Variants in OSBP2 observed in about 807,000 individuals in gnomAD.
The protein encoded by OSBP2 is oxysterol binding protein 2, also known as oxysterol-binding protein 2.
In OSBP2, 66 loss-of-function variants were observed where a neutral mutation model predicts 96.0. The observed-to-expected ratio is 0.69, with a 90% confidence interval of 0.56 to 0.84. The LOEUF (loss-of-function observed/expected upper bound fraction) is 0.84, where lower values mean the gene tolerates loss of function less well. OSBP2 is among the 40% of genes least tolerant of loss of function. The pLI is 0.00. For missense variants in OSBP2, 1,038 were observed against 1,222.7 expected, an observed-to-expected ratio of 0.85 and a Z score of 2.25; for synonymous variants, 525 against 520.9, an observed-to-expected ratio of 1.01 and a Z score of -0.11.
intron 1 of OSBP2, among the ~76,000 whole-genome samples, chr22:30,698,795 T>G (rs1012480066): frequency 5.3e-5 from 8 of 152,236 alleles, no homozygotes; most frequent in African/African-American, 1.9e-4. Flanking sequence ...CTATTTCTTG[T>G]GCCCCCTGCC....
chr22:30,736,105 G>A (rs186512305), intron 1 of OSBP2, among the ~76,000 whole-genome samples: 1 of 151,892 alleles, frequency 6.6e-6, no homozygotes, highest in Admixed American at 6.6e-5. Flanking sequence ...GTGGAGATGG[G>A]GTTTCACCAT....
At chr22:30,900,392 T>A (rs996051077) in intron 12 of OSBP2, among the ~76,000 whole-genome samples, 1 of 151,990 alleles carries the variant, frequency 6.6e-6, no homozygotes, top group African/African-American at 2.4e-5. Flanking sequence ...GAGAAAGATA[T>A]AATGTTCACG....
chr22:30,769,654 C>G (rs1398055355), intron 2 of OSBP2, among the ~76,000 whole-genome samples: 1 of 151,274 alleles, frequency 6.6e-6, no homozygotes, highest in African/African-American at 2.4e-5. Context: ...ATCTCAAAAA[C>G]AAAAAAAATG....
At chr22:30,714,084 C>T (rs1383506938) in intron 1 of OSBP2, among the ~76,000 whole-genome samples, 1 of 152,186 alleles carries the variant, frequency 6.6e-6, no homozygotes, top group Non-Finnish European at 1.5e-5. Context: ...TTCCCAGCCT[C>T]TAATAACTAC....
intron 2 of OSBP2, among the ~76,000 whole-genome samples, chr22:30,832,359 T>C (rs5749172): frequency 0.41 from 62,610 of 151,486 alleles, 13,220 homozygotes; most frequent in Middle Eastern, 0.56. Context: ...GGCATGATCA[T>C]GGCTCACTGC....
intron 2 of OSBP2, among the ~76,000 whole-genome samples, chr22:30,749,146 A>G (rs550289567): frequency 2.5e-4 from 38 of 152,220 alleles, no homozygotes; most frequent in African/African-American, 8.2e-4. Flanking sequence ...AGAATCGTGT[A>G]TTTATTACAA....
In OSBP2 at chr22:30,695,566, C is replaced by G. The variant is rs781047828; in HGVS notation, c.644+13C>G. ...TCTCTTACTACAGGTATGGAAGCGCCAGGGTGGGACATGGGGGTTGGAGGG... is the reference window on the plus strand; with the variant it reads ...TCTCTTACTACAGGTATGGAAGCGCGAGGGTGGGACATGGGGGTTGGAGGG... On this transcript the variant is annotated intron_variant, in intron 1 of 13. Coordinates refer to ENST00000332585, the MANE Select transcript of OSBP2 (RefSeq NM_030758.4). 2 of 1,594,792 alleles carry G rather than the reference C, an allele frequency of 1.3e-6. No individual in the cohort carries two copies. The highest frequency in any genetic ancestry group is 2.2e-5 in the East Asian group (1 of 44,728).
At chr22:30,779,166 C>G (rs564277436) in intron 2 of OSBP2, among the ~76,000 whole-genome samples, 63 of 151,752 alleles carry the variant, frequency 4.2e-4, no homozygotes, top group African/African-American at 1.5e-3. Context: ...ACTGCAACCT[C>G]TGCCCACCGG....
At chr22:30,833,794 C>CT (rs545284971) in intron 2 of OSBP2, among the ~76,000 whole-genome samples, 139 of 152,268 alleles carry the variant, frequency 9.1e-4, no homozygotes, top group African/African-American at 3.3e-3. Context: ...CATCATATGC[C>CT]AGTTTTGTCT....
At chr22:30,694,209 G>C (rs1311257491), upstream of OSBP2, 4 of 1,549,800 alleles carry the variant, frequency 2.6e-6, no homozygotes, top group Non-Finnish European at 3.5e-6. Flanking sequence ...TTTGTTTAGA[G>C]AACCCGAACG....
chr22:30,788,855 G>A (rs1445748181), intron 2 of OSBP2, among the ~76,000 whole-genome samples: 2 of 152,108 alleles, frequency 1.3e-5, no homozygotes, highest in South Asian at 2.1e-4. Context: ...TGGGATTACA[G>A]GCGCCTGCCA....
chr22:30,828,724 G>A (rs551805141), intron 2 of OSBP2, among the ~76,000 whole-genome samples: 1 of 152,318 alleles, frequency 6.6e-6, no homozygotes, highest in Non-Finnish European at 1.5e-5. Flanking sequence ...GCATGTGAGT[G>A]TCACTGTGTG....
Position 30,851,551 on chromosome 22 carries a change from T to A in OSBP2, c.854-18878T>A, listed in dbSNP as rs948128481. Among the ~76,000 whole-genome samples, 7 of 152,330 alleles carry A rather than the reference T, an allele frequency of 4.6e-5. No homozygotes were observed. In the South Asian group the frequency reaches 1.4e-3, roughly 32 times the overall value. ...ATCTGTAAGTAAAACCTTTTTCATT[T>A]CTTCCTTTCTAACCCATATGCTTTT... On this transcript the variant is annotated intron_variant, in intron 2 of 13. Transcript: ENST00000332585.
chr22:30,793,862 T>G (rs2090715923), intron 2 of OSBP2, among the ~76,000 whole-genome samples: 1 of 152,152 alleles, frequency 6.6e-6, no homozygotes, highest in Non-Finnish European at 1.5e-5. Context: ...TGGTCTAAGT[T>G]GTACACCCAT....
At chr22:30,806,442 A>G (rs942358976) in intron 2 of OSBP2, among the ~76,000 whole-genome samples, 5 of 152,152 alleles carry the variant, frequency 3.3e-5, no homozygotes, top group African/African-American at 1.2e-4. Flanking sequence ...CTGCCACATC[A>G]TCCTGTCTCC....
chr22:30,751,972 G>A lies in OSBP2; in HGVS notation c.853+10603G>A, dbSNP rs184412881. On this transcript the variant is annotated intron_variant, in intron 2 of 13. Transcript: ENST00000332585. ...AAGCCATGGTCATCCTGGGGGAGGC[G>A]TGCTCACACTTCCCAAAAGAGTACC... is the stretch of plus-strand genomic sequence containing the variant. Among the ~76,000 whole-genome samples the A allele has an allele frequency of 8.6e-5, 13 of 151,996 alleles. No homozygotes were observed. The East Asian group carries it at 1.7e-3, about 20-fold the overall frequency.
At chr22:30,822,765 G>GC in intron 2 of OSBP2, 2 of 1,419,970 alleles carry the variant, frequency 1.4e-6, no homozygotes, top group African/African-American at 2.9e-5. Context: ...GCGCATGCAC[G>GC]CCCGGTGCCT....
intron 12 of OSBP2, 88 bp from the exon 13 acceptor site, chr22:30,905,749 G>GGGA: frequency 9.0e-6 from 14 of 1,562,186 alleles, no homozygotes; most frequent in Non-Finnish European, 1.1e-5. Context: ...GACCCGGGAG[G>GGGA]AGACACCGCC....
At chr22:30,817,126 C>A (rs138260626) in intron 2 of OSBP2, among the ~76,000 whole-genome samples, 2 of 152,178 alleles carry the variant, frequency 1.3e-5, no homozygotes, top group Non-Finnish European at 2.9e-5. Context: ...CACATTATCA[C>A]AAATTGCTCT....
Sources: allele counts gnomAD v4.1 joint callset (sites outside exome capture counted in the v4.1 genomes callset), GRCh38; gene constraint gnomAD v4.1.1; transcripts MANE v1.5; gene names NCBI Gene and HGNC (gene_info 2026-07-23, HGNC 2026-07-21).